Variants in DMBT1 observed in about 807,000 individuals in gnomAD.
The protein encoded by DMBT1 is deleted in malignant brain tumors 1.
DMBT1 carries 198 observed loss-of-function variants against 252.9 expected under a neutral mutation model. The observed-to-expected ratio is 0.78, with a 90% CI of 0.70 to 0.88. The LOEUF (loss-of-function observed/expected upper bound fraction) is 0.88, where lower values mean the gene tolerates loss of function less well. Ranked by LOEUF, DMBT1 falls within the 40% of genes least tolerant of loss-of-function variation. The probability of loss-of-function intolerance (pLI) is 0.00; values close to 1 mark genes in which losing one functional copy is unlikely to be tolerated. For synonymous variants in DMBT1, 990 were observed against 942.7 expected (o/e 1.05, Z -0.92); for missense variants, 2,432 against 2,404.7 (o/e 1.01, Z -0.24).
chr10:122,593,587 C>T lies in DMBT1; in HGVS notation c.2519C>T (p.Thr840Ile). The T allele has an allele frequency of 6.3e-7, 1 of 1,587,928 alleles. No individual in the cohort carries two copies. Among genetic ancestry groups the T allele is most frequent in the Admixed American group, 1.7e-5 (1 of 59,464 alleles). ...CTCACAGTTTCCCAGTCCCGGCCGA[C>T]ACCCAGTCCAGGTAGGTCCCCAGTG... ...VICSVSQSRPTPSPDTWPTSH... is the reference protein window; with the variant it reads ...VICSVSQSRPIPSPDTWPTSH... Residue 840 changes from threonine (T) to isoleucine (I), a missense_variant, in exon 21 of 56, where the codon ACA becomes ATA. Physicochemically the swap from Thr to Ile is moderately conservative, Grantham distance 89 (BLOSUM62 -1). Transcript: ENST00000338354.
chr10:122,564,066 T>C (rs921746359), intron 1 of DMBT1, among the ~76,000 whole-genome samples: 3 of 152,230 alleles, frequency 2.0e-5, no homozygotes, highest in Non-Finnish European at 4.4e-5. Flanking sequence ...GTGGTTTCTA[T>C]TGCGAGTTTC....
At chr10:122,642,073 C>G (rs1479433896) in intron 55 of DMBT1, among the ~76,000 whole-genome samples, 1 of 152,048 alleles carries the variant, frequency 6.6e-6, no homozygotes. Flanking sequence ...AATGACTGCC[C>G]AGGGGCTTCT....
chr10:122,632,139 C>T (rs528084477), intron 50 of DMBT1, among the ~76,000 whole-genome samples: 5 of 152,252 alleles, frequency 3.3e-5, no homozygotes, highest in Admixed American at 6.5e-5. Flanking sequence ...TCCTCACAGA[C>T]ACCAGACCCT....
Position 122,599,051 on chromosome 10 carries a change from C to T in DMBT1, c.3234C>T (p.Leu1078=). The T allele has an allele frequency of 2.5e-6, 4 of 1,613,832 alleles. No homozygotes were observed. The highest frequency in any genetic ancestry group is 3.4e-6 in the Non-Finnish European group (4 of 1,179,758). ...GGAGCTGCCCCCACAATGGCTGGCT[C>T]TCCCACAACTGTGGCCATAGTGAAG... ...YLWSCPHNGW[L]SHNCGHSEDA... Residue 1078 remains leucine (L), a synonymous_variant, in exon 26 of 56, where the codon CTC becomes CTT. Coordinates refer to ENST00000338354, the MANE Select transcript of DMBT1 (RefSeq NM_001377530.1).
At position 122,584,351 on chromosome 10, in the gene DMBT1, G is replaced by A. The variant is rs545509488; in HGVS notation, c.1420G>A (p.Asp474Asn). Reference sequence around the variant, plus strand: ...CCACTCCTGGTCGACGCCCAGTCCAGGTGAGTCCCCAGTGTCCTTCCTTGG... The same window carrying A: ...CCACTCCTGGTCGACGCCCAGTCCAAGTGAGTCCCCAGTGTCCTTCCTTGG... ...AAHSWSTPSP[D>N]TLPTITLPAS... The change falls in exon 14 of 56, where the codon GAC (aspartate) becomes AAC (asparagine). Residue 474 changes from aspartate (D) to asparagine (N), a missense_variant and splice_region_variant. Coordinates refer to ENST00000338354, the MANE Select transcript of DMBT1 (RefSeq NM_001377530.1). The A allele has an allele frequency of 4.0e-4, 212 of 530,638 alleles. 16 individuals carry two copies. The highest frequency in any genetic ancestry group is 2.4e-3 in the African/African-American group (104 of 43,786). 32.9% of individuals were successfully genotyped at this position (530,638 alleles called of 1,614,324 possible). A position where few individuals can be genotyped will look rare whatever the true frequency, so the allele number is the denominator to read the frequency against.
chr10:122,592,442 C>G lies in DMBT1; in HGVS notation c.2347C>G (p.Pro783Ala). Residue 783 changes from proline (P) to alanine (A), a missense_variant, in exon 20 of 56, where the codon CCA becomes GCA. Around this residue, in one of 3 missense-constraint regions of DMBT1, gnomAD observed 1,264 missense variants for 1,082.2 expected, o/e 1.17. Coordinates refer to ENST00000338354, the MANE Select transcript of DMBT1 (RefSeq NM_001377530.1). ...GGGCTGTGGCTGGGCCACGTCGGCC[C>G]CAGGAAATGCCCGGTTTGGCCAGGG... ...QLGCGWATSAPGNARFGQGSG... is the reference protein window; with the variant it reads ...QLGCGWATSAAGNARFGQGSG... The G allele has an allele frequency of 6.3e-7, 1 of 1,588,108 alleles. No homozygotes were observed. The highest frequency in any genetic ancestry group is 8.6e-7 in the Non-Finnish European group (1 of 1,165,684).
chr10:122,591,635 G>T, intron 19 of DMBT1, 118 bp downstream of exon 19: 3 of 1,167,440 alleles, frequency 2.6e-6, no homozygotes, highest in South Asian at 3.0e-5. Context: ...ATCCCTGTGC[G>T]CTGAGTGGGA....
intron 43 of DMBT1, 53 bp downstream of exon 43, chr10:122,620,344 CG>C (rs763465073): frequency 6.3e-7 from 1 of 1,586,398 alleles, no homozygotes. Flanking sequence ...TCTGGACAAA[CG>C]TTTCTTTTGA....
chr10:122,623,425 A>T (rs2098089200), intron 44 of DMBT1, among the ~76,000 whole-genome samples: 1 of 152,146 alleles, frequency 6.6e-6, no homozygotes, highest in African/African-American at 2.4e-5. Context: ...TATACCTAGG[A>T]GTGGGATTGC....
At position 122,573,708 on chromosome 10, in the gene DMBT1, C is replaced by A. The variant is rs774606331; in HGVS notation, c.236-7C>A. The stretch of plus-strand genomic sequence containing the variant: ...ATCAATGAGCTCTTCCTTTCTCCAC[C>A]CTGCAGGTTCTCTGATTCCCTCAGA... On this transcript the variant is annotated splice_region_variant and splice_polypyrimidine_tract_variant and intron_variant, in intron 5 of 55. Transcript: ENST00000338354. The A allele has an allele frequency of 4.3e-6, 7 of 1,613,890 alleles. No homozygotes were observed. The South Asian group carries it at 7.7e-5, about 18-fold the overall frequency.
intron 44 of DMBT1, among the ~76,000 whole-genome samples, chr10:122,624,713 G>T (rs1183480467): frequency 6.6e-6 from 1 of 152,190 alleles, no homozygotes; most frequent in Non-Finnish European, 1.5e-5. Flanking sequence ...TGCCTGGTTT[G>T]ATCAGGGCTC....
chr10:122,633,240 CA>C lies in DMBT1; in HGVS notation c.6448del (p.Ser2150AlafsTer26). 1 of 1,614,024 alleles carries C rather than the reference CA, an allele frequency of 6.2e-7. No individual in the cohort carries two copies. The highest frequency in any genetic ancestry group is 2.2e-5 in the East Asian group (1 of 44,876). On this transcript the variant is annotated frameshift_variant, in exon 52 of 56. Transcript: ENST00000338354. LOFTEE classifies it high-confidence loss of function. ...FLSQPSGDFSSPFYPGNYPNN... is the reference protein window; with the variant it reads ...FLSQPSGDFSXPFYPGNYPNN... The stretch of plus-strand genomic sequence containing the variant: ...TATCCCAACCATCAGGGGACTTTTC[CA>C]GCCCATTCTATCCCGGGAACTATCC...
At position 122,618,149 on chromosome 10, in the gene DMBT1, T is replaced by C. The variant is rs1591460362; in HGVS notation, c.5024T>C (p.Val1675Ala). 6.2e-7 allele frequency: 1 copy of C among 1,613,962 alleles called. No individual in the cohort carries two copies. Among genetic ancestry groups the C allele is most frequent in the Non-Finnish European group, 8.5e-7 (1 of 1,179,882 alleles). The change falls in exon 41 of 56, where the codon GTC becomes GCC. Residue 1675 changes from valine (V) to alanine (A), a missense_variant. Physicochemically the swap from Val to Ala is moderately conservative, Grantham distance 64. Coordinates refer to ENST00000338354, the MANE Select transcript of DMBT1 (RefSeq NM_001377530.1). The stretch of plus-strand genomic sequence containing the variant: ...TGGGACACCAATGATGCCAACGTGG[T>C]CTGCAGGCAGCTGGGCTGTGGCTGG... ...DYWDTNDANV[V>A]CRQLGCGWAM...
At position 122,578,752 on chromosome 10, in the gene DMBT1, C is replaced by T; in HGVS notation, c.672C>T (p.Pro224=). 3.1e-6 allele frequency: 5 copies of T among 1,608,084 alleles called. No homozygotes were observed. Among genetic ancestry groups the T allele is most frequent in the Non-Finnish European group, 4.2e-6 (5 of 1,176,888 alleles). The part of the protein sequence containing the change: ...SWPVRISPPV[P]TEGSESSLAL... ...CTGTCAGGATATCACCACCTGTACC[C>T]ACAGAAGGTAAAGAATCCTCTCAAC... is the stretch of plus-strand genomic sequence containing the variant. The change falls in exon 9 of 56, where the codon CCC becomes CCT. Residue 224 remains proline (P), a synonymous_variant. Transcript: ENST00000338354.
Position 122,594,259 on chromosome 10 carries a change from C to G in DMBT1, c.2531-237C>G, listed in dbSNP as rs1007778436. Among the ~76,000 whole-genome samples the G allele has an allele frequency of 4.8e-3, 637 of 133,084 alleles. 9 individuals carry two copies. Among genetic ancestry groups the G allele is most frequent in the African/African-American group, 0.014 (526 of 37,886 alleles). The allele number at this position is 133,084 out of a possible 152,430, so 87.3% of individuals were successfully genotyped here. The stretch of plus-strand genomic sequence containing the variant: ...ATGGCATGGTGGGGGCATCCTCTAA[C>G]AGATAGAAAGATACCCCAGGATTAG... On this transcript the variant is annotated intron_variant, in intron 21 of 55. Transcript: ENST00000338354.
intron 46 of DMBT1, 26 bp downstream of exon 46, chr10:122,625,991 C>A: frequency 6.3e-7 from 1 of 1,589,202 alleles, no homozygotes; most frequent in Non-Finnish European, 8.6e-7. Context: ...TCTACCTGAA[C>A]CATAGGTCAT....
At chr10:122,570,039 T>C (rs1045805415) in intron 2 of DMBT1, 123 bp from the exon 3 acceptor site, 94 of 911,262 alleles carry the variant, frequency 1.0e-4, no homozygotes, top group Non-Finnish European at 1.6e-4. Context: ...AGTTGGCTTT[T>C]AGCAATGGAG....
rs185795644 is a variant in DMBT1, at chr10:122,639,893, G to A, written c.6943-147G>A. 2.6e-5 allele frequency: 25 copies of A among 953,996 alleles called. 1 individual carries two copies. In the Admixed American group the frequency reaches 3.9e-4, roughly 15 times the overall value. The allele number at this position is 953,996 out of a possible 1,614,324, so 59.1% of individuals were successfully genotyped here. On this transcript the variant is annotated intron_variant, in intron 54 of 55. Coordinates refer to ENST00000338354, the MANE Select transcript of DMBT1 (RefSeq NM_001377530.1). ...GTGCTGGCTCATAGCCAAAGGATAG[G>A]CACGTGCCATGGCCATCTCTGAGTG... is the stretch of plus-strand genomic sequence containing the variant.
At chr10:122,630,522 T>A in intron 48 of DMBT1, 32 bp downstream of exon 48, 1 of 1,601,272 alleles carries the variant, frequency 6.2e-7, no homozygotes, top group South Asian at 1.1e-5. Context: ...CCTATGAGGC[T>A]TGGTGGATTT....
Sources: gnomAD v4.1 joint callset for allele counts (sites outside exome capture counted in the v4.1 genomes callset) on GRCh38, gnomAD v4.1.1 for gene constraint, gnomAD v4.1.1 regional missense constraint, MANE v1.5 for transcripts, NCBI Gene and HGNC (gene_info 2026-07-23, HGNC 2026-07-21) for gene names.